Variants in BTNL8 observed in about 807,000 individuals in gnomAD.
The protein encoded by BTNL8 is butyrophilin like 8.
In BTNL8, 22 loss-of-function variants were observed where a neutral mutation model predicts 36.1. That is an observed-to-expected ratio of 0.61 (90% CI 0.44 to 0.87). The LOEUF (loss-of-function observed/expected upper bound fraction) is 0.87. Ranked by LOEUF, BTNL8 falls within the 40% of genes least tolerant of loss-of-function variation. The pLI is 0.00. For missense variants in BTNL8, 526 were observed against 616.9 expected, an observed-to-expected ratio of 0.85 and a Z score of 1.56; for synonymous variants, 203 against 235.6, an observed-to-expected ratio of 0.86 and a Z score of 1.27.
Position 180,947,627 on chromosome 5 carries a change from T to C in BTNL8, c.787+2T>C, listed in dbSNP as rs760832363. 1.9e-6 allele frequency: 3 copies of C among 1,614,228 alleles called. No individual in the cohort carries two copies. The highest frequency in any genetic ancestry group is 2.5e-6 in the Non-Finnish European group (3 of 1,180,030). ...AGATTTTCTTCTCCAAATTCCAGTG[T>C]AAGCGAGAGAGAGAAGCATGGGCCG... On this transcript the variant is annotated splice_donor_variant, in intron 4 of 7. Coordinates refer to ENST00000340184, the MANE Select transcript of BTNL8 (RefSeq NM_001040462.3). LOFTEE classifies it high-confidence loss of function.
chr5:180,949,740 C>T (rs1759457320), intron 7 of BTNL8, 164 bp from the exon 8 acceptor site: 4 of 880,974 alleles, frequency 4.5e-6, no homozygotes, highest in Non-Finnish European at 6.8e-6. Flanking sequence ...CCAGGCTGCA[C>T]TGGTGATGAG....
chr5:180,926,691 A>G (rs1209399371), intron 3 of BTNL8, among the ~76,000 whole-genome samples: 2 of 152,192 alleles, frequency 1.3e-5, no homozygotes, highest in Admixed American at 6.5e-5. Context: ...CTCACAGTGT[A>G]AACAAAGCCA....
At chr5:180,928,197 T>A (rs948642466) in intron 3 of BTNL8, among the ~76,000 whole-genome samples, 3 of 152,114 alleles carry the variant, frequency 2.0e-5, no homozygotes, top group African/African-American at 7.2e-5. Context: ...CTTAAAGAAA[T>A]GGATTTTCAA....
At chr5:180,904,202 G>A (rs1408335859) in intron 1 of BTNL8, among the ~76,000 whole-genome samples, 4 of 122,748 alleles carry the variant, frequency 3.3e-5, no homozygotes, top group African/African-American at 1.4e-4. Flanking sequence ...TTATTTCCTT[G>A]AGCAGTGGTT....
At chr5:180,933,246 A>G (rs549815777) in intron 3 of BTNL8, among the ~76,000 whole-genome samples, 2 of 152,214 alleles carry the variant, frequency 1.3e-5, no homozygotes, top group Non-Finnish European at 2.9e-5. Flanking sequence ...CAATGAACAG[A>G]TAATCTAGAC....
chr5:180,905,134 C>T (rs1757020736), intron 1 of BTNL8, among the ~76,000 whole-genome samples: 1 of 150,754 alleles, frequency 6.6e-6, no homozygotes, highest in South Asian at 2.1e-4. Flanking sequence ...TGGTAGAATT[C>T]GGCTGTGAAT....
intron 3 of BTNL8, among the ~76,000 whole-genome samples, chr5:180,942,450 TCATATGGAGC>T (rs1759032619): frequency 6.6e-6 from 1 of 152,062 alleles, no homozygotes. Flanking sequence ...ATCCTAAAAT[TCATATGGAGC>T]CACAAAAGAC....
intron 3 of BTNL8, among the ~76,000 whole-genome samples, chr5:180,937,909 A>G (rs1444765294): frequency 1.4e-5 from 2 of 147,170 alleles, no homozygotes; most frequent in African/African-American, 5.1e-5. Context: ...TTTCATCTAA[A>G]TGAAATACTT....
intron 3 of BTNL8, among the ~76,000 whole-genome samples, chr5:180,926,923 C>T (rs946342599): frequency 6.6e-6 from 1 of 152,202 alleles, no homozygotes; most frequent in South Asian, 2.1e-4. Flanking sequence ...TTCCTGCCTG[C>T]CTGCTCTGAA....
Position 180,908,779 on chromosome 5 carries a change from T to C in BTNL8, c.243T>C (p.Tyr81=). 1 of 1,614,140 alleles carries C rather than the reference T, an allele frequency of 6.2e-7. No individual in the cohort carries two copies. The highest frequency in any genetic ancestry group is 1.6e-4 in the Middle Eastern group (1 of 6,062). ...AGCCATTTATGCAGATGCCACAGTA[T>C]CAAGGCAGGACAAAACTGGTGAAGG... The part of the protein sequence containing the change: ...KDQPFMQMPQ[Y]QGRTKLVKDS... Residue 81 remains tyrosine, a synonymous_variant, in exon 2 of 8, where the codon TAT becomes TAC. Transcript: ENST00000340184.
intron 2 of BTNL8, among the ~76,000 whole-genome samples, chr5:180,911,017 G>A (rs909488030): frequency 5.9e-5 from 9 of 152,276 alleles, no homozygotes; most frequent in Non-Finnish European, 1.0e-4. Context: ...TCGGGTCATC[G>A]TTCCTTTGGT....
At chr5:180,936,973 C>T (rs1292077410) in intron 3 of BTNL8, among the ~76,000 whole-genome samples, 1 of 152,222 alleles carries the variant, frequency 6.6e-6, no homozygotes, top group Non-Finnish European at 1.5e-5. Flanking sequence ...CCACACACTG[C>T]CTGCATCCCC....
chr5:180,941,110 G>GAGGGAGGAAGGAAGGA (rs1758917503), intron 3 of BTNL8, among the ~76,000 whole-genome samples: 1 of 126,820 alleles, frequency 7.9e-6, no homozygotes, highest in Non-Finnish European at 1.6e-5. Context: ...GGAAGGAAGG[G>GAGGGAGGAAGGAAGGA]AGGAAGGAAG....
Position 180,918,028 on chromosome 5 carries a change from C to T in BTNL8, c.673+6414C>T, listed in dbSNP as rs532521732. On this transcript the variant is annotated intron_variant, in intron 3 of 7. Transcript: ENST00000340184. ...TGGGTGACAGAGTGAGATTCTGTCT[C>T]AAAAAAAAAAAAAAAGAAATAAACA... 4.7e-3 allele frequency among the ~76,000 whole-genome samples: 541 copies of T among 114,980 alleles called. 2 individuals are homozygous for T. The highest frequency in any genetic ancestry group is 0.011 in the African/African-American group (375 of 32,888). 75.4% of individuals were successfully genotyped at this position (114,980 alleles called of 152,430 possible).
chr5:180,904,975 G>A (rs1162810260), intron 1 of BTNL8, among the ~76,000 whole-genome samples: 4 of 151,092 alleles, frequency 2.6e-5, no homozygotes, highest in African/African-American at 4.9e-5. Context: ...AAGGATATTG[G>A]TCTAAAATTC....
At chr5:180,907,624 C>G (rs1183241537) in intron 1 of BTNL8, among the ~76,000 whole-genome samples, 3 of 150,460 alleles carry the variant, frequency 2.0e-5, no homozygotes, top group African/African-American at 7.4e-5. Flanking sequence ...TCCAGTTTTT[C>G]TGTTCTGTTT....
intron 3 of BTNL8, among the ~76,000 whole-genome samples, chr5:180,924,629 C>G (rs1758014892): frequency 6.6e-6 from 1 of 152,194 alleles, no homozygotes; most frequent in Non-Finnish European, 1.5e-5. Context: ...ACCAGTTGGC[C>G]TATTCAGAAT....
At chr5:180,936,687 G>A (rs956931223) in intron 3 of BTNL8, among the ~76,000 whole-genome samples, 1 of 152,182 alleles carries the variant, frequency 6.6e-6, no homozygotes, top group Admixed American at 6.5e-5. Context: ...AGTGTGCTCT[G>A]CAGGAATTGT....
At chr5:180,947,677 G>C in intron 4 of BTNL8, 52 bp downstream of exon 4, 2 of 1,614,034 alleles carry the variant, frequency 1.2e-6, no homozygotes, top group Admixed American at 1.7e-5. Context: ...GTTCCAGCAG[G>C]GACAGGATCA....
Sources: allele counts gnomAD v4.1 joint callset (sites outside exome capture counted in the v4.1 genomes callset), GRCh38; gene constraint gnomAD v4.1.1; transcripts MANE v1.5; gene names NCBI Gene and HGNC (gene_info 2026-07-23, HGNC 2026-07-21).